Variants in ZNF423 observed in about 807,000 individuals in gnomAD.
The protein encoded by ZNF423 is zinc finger protein 423.
Under a neutral mutation model 95.8 loss-of-function variants are expected in ZNF423, and 12 were observed. The observed-to-expected ratio is 0.13, with a 90% CI of 0.08 to 0.20. The LOEUF (loss-of-function observed/expected upper bound fraction) is 0.20. Among genes scored for constraint, ZNF423 ranks in the 10% least tolerant of loss-of-function variants. The probability of loss-of-function intolerance (pLI) is 1.00; values close to 1 mark genes in which losing one functional copy is unlikely to be tolerated. For missense variants in ZNF423, 1,316 were observed against 1,737.1 expected, an observed-to-expected ratio of 0.76 and a Z score of 4.31; for synonymous variants, 749 against 711.9, an observed-to-expected ratio of 1.05 and a Z score of -0.83.
intron 1 of ZNF423, among the ~76,000 whole-genome samples, chr16:49,812,237 T>A (rs1194124673): frequency 6.6e-6 from 1 of 152,220 alleles, no homozygotes; most frequent in East Asian, 1.9e-4. Flanking sequence ...AATCCAGACC[T>A]ATGCAATTTA....
intron 7 of ZNF423, among the ~76,000 whole-genome samples, chr16:49,493,812 C>G (rs1172732196): frequency 3.3e-5 from 5 of 152,100 alleles, no homozygotes; most frequent in Non-Finnish European, 5.9e-5. Flanking sequence ...AGGTGTGGAG[C>G]CTAGAATCCA....
intron 1 of ZNF423, among the ~76,000 whole-genome samples, chr16:49,853,110 T>C (rs2035319730): frequency 6.6e-6 from 1 of 152,144 alleles, no homozygotes; most frequent in Non-Finnish European, 1.5e-5. Flanking sequence ...CCACAAAGCC[T>C]CTACATTAGC....
At chr16:49,517,069 A>G (rs537426256) in intron 7 of ZNF423, among the ~76,000 whole-genome samples, 91 of 152,338 alleles carry the variant, frequency 6.0e-4, no homozygotes, top group African/African-American at 2.1e-3. Context: ...GAGAGAGGAC[A>G]ATAAAAGCCA....
intron 7 of ZNF423, among the ~76,000 whole-genome samples, chr16:49,520,244 G>A (rs1399000227): frequency 6.6e-6 from 1 of 152,178 alleles, no homozygotes; most frequent in Non-Finnish European, 1.5e-5. Context: ...GAATAGGAAA[G>A]CTAGTTCCCT....
chr16:49,511,649 G>T (rs1967900775), intron 7 of ZNF423, among the ~76,000 whole-genome samples: 1 of 152,236 alleles, frequency 6.6e-6, no homozygotes, highest in African/African-American at 2.4e-5. Flanking sequence ...AGGACAAGGA[G>T]TGTTGTCAGT....
chr16:49,505,680 T>C (rs568304164), intron 7 of ZNF423, among the ~76,000 whole-genome samples: 3 of 152,194 alleles, frequency 2.0e-5, no homozygotes, highest in Non-Finnish European at 4.4e-5. Flanking sequence ...GGGAAACACG[T>C]AGGTGTACAT....
chr16:49,791,290 TAGCAA>T (rs1389688761), intron 1 of ZNF423, among the ~76,000 whole-genome samples: 54 of 152,166 alleles, frequency 3.5e-4, no homozygotes, highest in Admixed American at 3.5e-3. Flanking sequence ...GCTTTATAAA[TAGCAA>T]TCAAGACCTC....
Position 49,491,235 on chromosome 16 carries a change from G to A in ZNF423, c.*40C>T, listed in dbSNP as rs746900694. ...AAATGGCCCTCCCCACGGCGTCTCC[G>A]GCAAGCCTTCTGCGGAGAGGTGTCC... On this transcript the variant is annotated 3_prime_UTR_variant, in exon 8 of 8. Coordinates refer to ENST00000563137, the MANE Select transcript of ZNF423 (RefSeq NM_001379286.1). 1.4e-5 allele frequency: 23 copies of A among 1,613,690 alleles called. No individual in the cohort carries two copies. Among genetic ancestry groups the A allele is most frequent in the Non-Finnish European group, 1.7e-5 (20 of 1,179,844 alleles).
intron 1 of ZNF423, among the ~76,000 whole-genome samples, chr16:49,802,756 G>A (rs779716734): frequency 7.2e-5 from 11 of 152,170 alleles, no homozygotes; most frequent in African/African-American, 2.7e-4. Context: ...TAGAACAAAC[G>A]TCTCTTTCTT....
chr16:49,852,439 A>C (rs1217104162), intron 1 of ZNF423, among the ~76,000 whole-genome samples: 1 of 152,174 alleles, frequency 6.6e-6, no homozygotes, highest in Non-Finnish European at 1.5e-5. Context: ...CATGGGGTGA[A>C]AGGGGACAGG....
chr16:49,695,724 G>A (rs1335805145), intron 3 of ZNF423, among the ~76,000 whole-genome samples: 1 of 152,228 alleles, frequency 6.6e-6, no homozygotes, highest in Admixed American at 6.5e-5. Context: ...ACCGCGCCAG[G>A]CCCCTTACTG....
At chr16:49,653,343 T>C (rs1973488928) in intron 3 of ZNF423, among the ~76,000 whole-genome samples, 1 of 148,760 alleles carries the variant, frequency 6.7e-6, no homozygotes, top group South Asian at 2.1e-4. Context: ...AATTCAACTC[T>C]GATTAAACGC....
intron 1 of ZNF423, among the ~76,000 whole-genome samples, chr16:49,796,213 T>C (rs1259390226): frequency 6.6e-6 from 1 of 152,052 alleles, no homozygotes; most frequent in African/African-American, 2.4e-5. Flanking sequence ...TGCTCTGGGA[T>C]TGGCCACAGC....
At chr16:49,572,654 G>A (rs1970386725) in intron 5 of ZNF423, among the ~76,000 whole-genome samples, 2 of 152,192 alleles carry the variant, frequency 1.3e-5, no homozygotes, top group African/African-American at 4.8e-5. Flanking sequence ...AACGGCACGA[G>A]TTGGGAAAGG....
At chr16:49,503,746 G>T (rs1414668593) in intron 7 of ZNF423, among the ~76,000 whole-genome samples, 1 of 152,212 alleles carries the variant, frequency 6.6e-6, no homozygotes, top group Non-Finnish European at 1.5e-5. Context: ...CAGGGACCTT[G>T]TCTCAGCTCT....
At chr16:49,724,827 C>G (rs568037204) in intron 3 of ZNF423, among the ~76,000 whole-genome samples, 1 of 152,200 alleles carries the variant, frequency 6.6e-6, no homozygotes, top group Non-Finnish European at 1.5e-5. Context: ...TGGTCCCAGT[C>G]CTCAAGAAGG....
At chr16:49,771,964 A>T (rs1484904713) in intron 2 of ZNF423, among the ~76,000 whole-genome samples, 1 of 152,212 alleles carries the variant, frequency 6.6e-6, no homozygotes, top group Non-Finnish European at 1.5e-5. Context: ...GAGAAGTGTT[A>T]TGAGGGCCTG....
In ZNF423 at chr16:49,853,086, G is replaced by A. The variant is rs567087857; in HGVS notation, c.40+2649C>T. On this transcript the variant is annotated intron_variant, in intron 1 of 7. Transcript: ENST00000563137. ...AAGCGACTTTCACAGCAGAATGCTC[G>A]GGGCCGGGGAAGTCCACAAAGCCTC... 8.5e-5 allele frequency among the ~76,000 whole-genome samples: 13 copies of A among 152,272 alleles called. No individual in the cohort carries two copies. The South Asian group carries it at 1.7e-3, about 19-fold the overall frequency.
chr16:49,745,091 C>A (rs982712174), intron 2 of ZNF423, among the ~76,000 whole-genome samples: 1 of 151,908 alleles, frequency 6.6e-6, no homozygotes, highest in African/African-American at 2.4e-5. Context: ...AGAAAGCGGG[C>A]TCTTTGTATC....
Sources: gnomAD v4.1 joint callset for allele counts (sites outside exome capture counted in the v4.1 genomes callset) on GRCh38, gnomAD v4.1.1 for gene constraint, MANE v1.5 for transcripts, NCBI Gene and HGNC (gene_info 2026-07-23, HGNC 2026-07-21) for gene names.